Variants in HERPUD2 observed in about 807,000 individuals in gnomAD.
HERPUD2 encodes the protein homocysteine-responsive endoplasmic reticulum-resident ubiquitin-like domain member 2 protein.
HERPUD2 carries 13 observed loss-of-function variants against 49.9 expected under a neutral mutation model. The ratio of observed to expected loss-of-function variants is 0.26; its 90% CI spans 0.17 to 0.41. The LOEUF (loss-of-function observed/expected upper bound fraction) is 0.41. Ranked by LOEUF, HERPUD2 falls within the 10% of genes least tolerant of loss-of-function variation. HERPUD2 has a pLI of 1.00. For missense variants in HERPUD2, 449 were observed against 492.2 expected, an observed-to-expected ratio of 0.91 and a Z score of 0.83; for synonymous variants, 172 against 171.4, an observed-to-expected ratio of 1.00 and a Z score of -0.03.
intron 6 of HERPUD2, among the ~76,000 whole-genome samples, chr7:35,637,114 C>T (rs1044526998): frequency 3.5e-4 from 52 of 149,114 alleles, no homozygotes; most frequent in African/African-American, 1.1e-3. Flanking sequence ...GCCTAGGTAA[C>T]AGAGTGAGAC....
At chr7:35,675,677 A>T (rs1785745898) in intron 2 of HERPUD2, among the ~76,000 whole-genome samples, 1 of 152,220 alleles carries the variant, frequency 6.6e-6, no homozygotes, top group African/African-American at 2.4e-5. Flanking sequence ...TCAAGTACCC[A>T]GCTTCAACAA....
rs376749984 is a variant in HERPUD2, at chr7:35,637,138, AAAAG to A, written c.617+1208_617+1211del. On this transcript the variant is annotated intron_variant, in intron 6 of 8. Transcript: ENST00000311350. ...ACAGAGTGAGACTCTGTCTCAAAAA[AAAAG>A]AAAGAAAGAAAGAAAGAAAGATAGA... Among the ~76,000 whole-genome samples, 525 of 135,778 alleles carry A rather than the reference AAAAG, an allele frequency of 3.9e-3. 6 individuals carry two copies. The highest frequency in any genetic ancestry group is 0.017 in the East Asian group (82 of 4,698). The allele number at this position is 135,778 out of a possible 152,430, so 89.1% of individuals were successfully genotyped here.
At chr7:35,669,797 A>G (rs1294076991) in intron 4 of HERPUD2, among the ~76,000 whole-genome samples, 3 of 152,192 alleles carry the variant, frequency 2.0e-5, no homozygotes, top group African/African-American at 7.2e-5. Flanking sequence ...ATCTACTTCA[A>G]GAAGATTTAG....
intron 5 of HERPUD2, among the ~76,000 whole-genome samples, chr7:35,649,578 G>T (rs1432264424): frequency 6.6e-6 from 1 of 152,160 alleles, no homozygotes; most frequent in Non-Finnish European, 1.5e-5. Context: ...GGAGACATGG[G>T]ACATCAAAAA....
intron 5 of HERPUD2, among the ~76,000 whole-genome samples, chr7:35,648,553 T>C (rs1271622768): frequency 6.6e-6 from 1 of 152,222 alleles, no homozygotes; most frequent in Non-Finnish European, 1.5e-5. Context: ...GATGTAATTT[T>C]GCAATACTTC....
chr7:35,691,553 A>T (rs533667862), intron 2 of HERPUD2, among the ~76,000 whole-genome samples: 3 of 152,296 alleles, frequency 2.0e-5, no homozygotes, highest in South Asian at 2.1e-4. Context: ...TCCTGTTCCT[A>T]CAAAGCACTG....
chr7:35,643,674 AAAAAT>A (rs1198948127), intron 5 of HERPUD2, among the ~76,000 whole-genome samples: 1 of 151,794 alleles, frequency 6.6e-6, no homozygotes, highest in African/African-American at 2.4e-5. Context: ...AAATAATAAT[AAAAAT>A]AAAATAATAA....
In HERPUD2 at chr7:35,674,440, G is replaced by T. The variant is rs1190569817; in HGVS notation, c.148-1162C>A. ...AGAGAGAGAGAGAGAGAGAGAGAGA[G>T]AGAGAGAGAGAGAGAGAGAGAGAGG... On this transcript the variant is annotated intron_variant, in intron 2 of 8. Transcript: ENST00000311350. 3.7e-4 allele frequency among the ~76,000 whole-genome samples: 48 copies of T among 129,464 alleles called. 2 individuals carry two copies. Among genetic ancestry groups the T allele is most frequent in the African/African-American group, 7.1e-4 (25 of 35,138 alleles). 84.9% of individuals were successfully genotyped at this position (129,464 alleles called of 152,430 possible).
rs1196322197 is a variant in HERPUD2 at position 35,685,423 on chromosome 7, A to C, written c.147+8761T>G. On this transcript the variant is annotated intron_variant, in intron 2 of 8. Transcript: ENST00000311350. ...CCAGCAACCTCCGCCTCCCAGGCTT[A>C]AGCAATTCTCGTGCCTCAGCCTCCC... Among the ~76,000 whole-genome samples the C allele has an allele frequency of 6.6e-5, 10 of 150,564 alleles. No individual in the cohort carries two copies. The East Asian group carries it at 2.0e-3, about 30-fold the overall frequency.
chr7:35,638,611 C>T (rs1360926432), intron 5 of HERPUD2, 139 bp from the exon 6 acceptor site: 16 of 816,216 alleles, frequency 2.0e-5, no homozygotes, highest in Non-Finnish European at 2.7e-5. Flanking sequence ...TTACTTTCAA[C>T]GATTCTTCAA....
At chr7:35,693,207 GTT>G (rs1786230638) in intron 2 of HERPUD2, among the ~76,000 whole-genome samples, 5 of 152,296 alleles carry the variant, frequency 3.3e-5, no homozygotes, top group Admixed American at 6.5e-5. Context: ...GCAATATCCA[GTT>G]ATGATTCAGA....
chr7:35,647,480 T>A (rs1302628524), intron 5 of HERPUD2, among the ~76,000 whole-genome samples: 1 of 152,190 alleles, frequency 6.6e-6, no homozygotes, highest in African/African-American at 2.4e-5. Context: ...GATTCTAAAG[T>A]AAACATTTAC....
chr7:35,681,380 C>T (rs1785887937), intron 2 of HERPUD2, among the ~76,000 whole-genome samples: 1 of 152,048 alleles, frequency 6.6e-6, no homozygotes, highest in Non-Finnish European at 1.5e-5. Flanking sequence ...TAAATGGGTT[C>T]AGCCACTGTG....
intron 2 of HERPUD2, among the ~76,000 whole-genome samples, chr7:35,684,055 T>TG (rs1019152398): frequency 6.6e-6 from 1 of 152,310 alleles, no homozygotes; most frequent in African/African-American, 2.4e-5. Flanking sequence ...ATCCCACTAT[T>TG]GGGTATCTAC....
At chr7:35,693,057 C>T (rs535707637) in intron 2 of HERPUD2, among the ~76,000 whole-genome samples, 1 of 152,220 alleles carries the variant, frequency 6.6e-6, no homozygotes. Context: ...GAAAGCCTCA[C>T]TTTCATATAC....
At chr7:35,639,326 G>A (rs1784927856) in intron 5 of HERPUD2, among the ~76,000 whole-genome samples, 1 of 152,048 alleles carries the variant, frequency 6.6e-6, no homozygotes, top group South Asian at 2.1e-4. Context: ...GAGCCACTGC[G>A]CCTGGCCAAA....
At chr7:35,649,347 G>A (rs776761783) in intron 5 of HERPUD2, among the ~76,000 whole-genome samples, 2 of 152,048 alleles carry the variant, frequency 1.3e-5, no homozygotes, top group Non-Finnish European at 2.9e-5. Flanking sequence ...CAAACAGTGT[G>A]ATGTTTCTAT....
intron 5 of HERPUD2, among the ~76,000 whole-genome samples, chr7:35,652,378 C>T (rs1192940240): frequency 6.6e-6 from 1 of 152,132 alleles, no homozygotes; most frequent in African/African-American, 2.4e-5. Context: ...CAACAATCCT[C>T]AAATAGATAC....
chr7:35,666,624 A>G (rs1785541497), intron 5 of HERPUD2, among the ~76,000 whole-genome samples: 1 of 152,186 alleles, frequency 6.6e-6, no homozygotes, highest in Admixed American at 6.5e-5. Context: ...CAAAAATAAC[A>G]AACAATAATA....
Sources: allele counts gnomAD v4.1 joint callset (sites outside exome capture counted in the v4.1 genomes callset), GRCh38; gene constraint gnomAD v4.1.1; transcripts MANE v1.5; gene names NCBI Gene and HGNC (gene_info 2026-07-23, HGNC 2026-07-21).